ZNF83: variants seen among roughly 807,000 people sequenced by gnomAD.
ZNF83 encodes zinc finger protein 816B.
For missense variants in ZNF83, 552 were observed against 629.9 expected (o/e 0.88, Z 1.32); for synonymous variants, 209 against 213.0 (o/e 0.98, Z 0.17).
intron 1 of ZNF83, among the ~76,000 whole-genome samples, chr19:52,667,916 G>A (rs1199078477): frequency 6.6e-6 from 1 of 152,142 alleles, no homozygotes; most frequent in African/African-American, 2.4e-5. Context: ...CATACATGAA[G>A]TGTTAAATAT....
intron 3 of ZNF83, among the ~76,000 whole-genome samples, chr19:52,645,865 A>G (rs1026801729): frequency 4.6e-5 from 7 of 152,084 alleles, no homozygotes; most frequent in Non-Finnish European, 7.4e-5. Flanking sequence ...CAGAAAAAAA[A>G]ATAAAGTAAA....
chr19:52,652,965 C>T, intron 3 of ZNF83: 1 of 1,296,954 alleles, frequency 7.7e-7, no homozygotes, highest in Non-Finnish European at 1.1e-6. Context: ...TCTTGCCACA[C>T]TCATTACACC....
chr19:52,687,430 ATT>A (rs1466896174), intron 1 of ZNF83, among the ~76,000 whole-genome samples: 524 of 21,216 alleles, frequency 0.025, 209 homozygotes, highest in African/African-American at 0.12. Flanking sequence ...ATAAATTATA[ATT>A]TATATAGCTA....
At chr19:52,615,042 AC>A (rs375160148) in intron 2 of ZNF83, among the ~76,000 whole-genome samples, 109 of 152,308 alleles carry the variant, frequency 7.2e-4, no homozygotes, top group African/African-American at 2.6e-3. Context: ...CTATGGCCAA[AC>A]CACTTACATT....
intron 2 of ZNF83, among the ~76,000 whole-genome samples, chr19:52,631,542 C>T (rs1316492290): frequency 5.3e-5 from 8 of 152,210 alleles, no homozygotes; most frequent in Non-Finnish European, 1.2e-4. Flanking sequence ...GATGCATATA[C>T]TTTCTGCTCC....
intron 1 of ZNF83, among the ~76,000 whole-genome samples, chr19:52,669,103 G>C (rs2061690647): frequency 6.6e-6 from 1 of 152,190 alleles, no homozygotes; most frequent in Non-Finnish European, 1.5e-5. Flanking sequence ...ATGCATAGTG[G>C]TATTATGGTG....
intron 3 of ZNF83, chr19:52,655,510 C>G: frequency 7.1e-7 from 1 of 1,418,132 alleles, no homozygotes; most frequent in Non-Finnish European, 9.8e-7. Context: ...CCAGGAAGAG[C>G]CAAGATAGAC....
Position 52,613,457 on chromosome 19 carries a change from C to A in ZNF83, c.1108G>T (p.Glu370Ter). 1 of 1,614,060 alleles carries A rather than the reference C, an allele frequency of 6.2e-7. No individual in the cohort carries two copies. The highest frequency in any genetic ancestry group is 1.1e-5 in the South Asian group (1 of 91,074). ...CATTCATCACACTTATAAGGTTTCT[C>A]ACCGGCATGAATTATCAGATGTTGG... Residue 370 changes from glutamate (E) to a stop codon, truncating the protein, a stop_gained, in exon 3 of 3, where the codon GAG becomes TAG. Coordinates refer to ENST00000301096, the Ensembl canonical transcript of ZNF83. LOFTEE classifies it low-confidence loss of function (END_TRUNC).
At chr19:52,647,578 G>A (rs577864450) in intron 3 of ZNF83, among the ~76,000 whole-genome samples, 113 of 152,026 alleles carry the variant, frequency 7.4e-4, no homozygotes, top group African/African-American at 2.5e-3. Context: ...CACTGTGCCT[G>A]GCCCCTCTGT....
intron 1 of ZNF83, among the ~76,000 whole-genome samples, chr19:52,662,696 T>A (rs2061595932): frequency 6.6e-6 from 1 of 152,174 alleles, no homozygotes; most frequent in Admixed American, 6.5e-5. Flanking sequence ...ACTGAGCTTT[T>A]CTTGTCTTAT....
At chr19:52,668,073 T>A (rs566247060) in intron 1 of ZNF83, among the ~76,000 whole-genome samples, 1 of 152,248 alleles carries the variant, frequency 6.6e-6, no homozygotes, top group Non-Finnish European at 1.5e-5. Context: ...AGAAATTATA[T>A]ACTTGGTTTA....
At chr19:52,625,971 GCCT>G (rs1456788996) in intron 2 of ZNF83, among the ~76,000 whole-genome samples, 1 of 152,068 alleles carries the variant, frequency 6.6e-6, no homozygotes, top group East Asian at 1.9e-4. Flanking sequence ...CTTGCAAAAG[GCCT>G]CTTCTTCTGT....
At chr19:52,637,722 G>T (rs2061197188) in intron 1 of ZNF83, among the ~76,000 whole-genome samples, 1 of 152,142 alleles carries the variant, frequency 6.6e-6, no homozygotes, top group Non-Finnish European at 1.5e-5. Flanking sequence ...TCGTTTTCCG[G>T]GGGCTGGAGC....
At chr19:52,682,011 C>T (rs939006034) in intron 1 of ZNF83, among the ~76,000 whole-genome samples, 3 of 152,236 alleles carry the variant, frequency 2.0e-5, no homozygotes, top group African/African-American at 7.2e-5. Context: ...CCACACCCAG[C>T]TAATTTTTGT....
chr19:52,688,997 C>A (rs1054766316), intron 1 of ZNF83, among the ~76,000 whole-genome samples: 1 of 146,006 alleles, frequency 6.8e-6, no homozygotes, highest in Admixed American at 6.9e-5. Flanking sequence ...TACTGTTACT[C>A]TTTTTCCAGG....
chr19:52,658,802 C>T (rs10426781), intron 2 of ZNF83, among the ~76,000 whole-genome samples: 3 of 152,008 alleles, frequency 2.0e-5, no homozygotes, highest in South Asian at 4.2e-4. Flanking sequence ...GGCCCTCTAG[C>T]GGGAGGCTGA....
intron 2 of ZNF83, among the ~76,000 whole-genome samples, chr19:52,625,760 A>G (rs2147124960): frequency 6.6e-6 from 1 of 152,270 alleles, no homozygotes; most frequent in South Asian, 2.1e-4. Context: ...AGCCCCATAA[A>G]TAACAGTGAA....
chr19:52,680,606 ATTTTTTTT>A (rs556558292), intron 1 of ZNF83, among the ~76,000 whole-genome samples: 13 of 88,946 alleles, frequency 1.5e-4, no homozygotes, highest in South Asian at 4.1e-4. Flanking sequence ...TCCACAAAAT[ATTTTTTTT>A]TTTTTTTTTT....
chr19:52,643,360 G>GA (rs35849256), upstream of ZNF83, among the ~76,000 whole-genome samples: 67,255 of 136,058 alleles, frequency 0.49, 16,866 homozygotes, highest in East Asian at 0.66. Context: ...GTCTCAAATA[G>GA]AAAAAAAAAA....
Sources: gnomAD v4.1 joint callset for allele counts (sites outside exome capture counted in the v4.1 genomes callset) on GRCh38, gnomAD v4.1.1 for gene constraint, MANE v1.5 for transcripts, NCBI Gene and HGNC (gene_info 2026-07-23, HGNC 2026-07-21) for gene names.